CENPP: variants seen among roughly 807,000 people sequenced by gnomAD.
The protein encoded by CENPP is centromere protein P.
A neutral mutation model predicts 35.6 loss-of-function variants in CENPP; 24 were observed. The observed-to-expected ratio is 0.67, with a 90% CI of 0.49 to 0.95. The LOEUF (loss-of-function observed/expected upper bound fraction) is 0.95. Ranked by LOEUF, CENPP falls within the 40% of genes least tolerant of loss-of-function variation. The probability of loss-of-function intolerance (pLI) is 0.00; values close to 1 mark genes in which losing one functional copy is unlikely to be tolerated. For synonymous variants in CENPP, 120 were observed against 125.5 expected, an observed-to-expected ratio of 0.96 and a Z score of 0.29; for missense variants, 332 against 345.3, an observed-to-expected ratio of 0.96 and a Z score of 0.31.
At chr9:92,396,322 A>C (rs1842887942) in intron 5 of CENPP, among the ~76,000 whole-genome samples, 1 of 151,920 alleles carries the variant, frequency 6.6e-6, no homozygotes, top group Non-Finnish European at 1.5e-5. Flanking sequence ...ATGTTGTTAG[A>C]CTATTCTAGG....
At chr9:92,512,014 G>C in intron 5 of CENPP, 1 of 1,605,996 alleles carries the variant, frequency 6.2e-7, no homozygotes, top group Non-Finnish European at 8.5e-7. Context: ...TATTTACCTT[G>C]AATGCTTTTG....
At chr9:92,486,421 G>A (rs1406725747) in intron 5 of CENPP, among the ~76,000 whole-genome samples, 3 of 152,172 alleles carry the variant, frequency 2.0e-5, no homozygotes, top group East Asian at 1.9e-4. Flanking sequence ...ATTGTTTGGA[G>A]CATATAGTAT....
In CENPP at chr9:92,375,952, A is replaced by C. The variant is rs77958019; in HGVS notation, c.468-3811A>C. Among the ~76,000 whole-genome samples the C allele has an allele frequency of 4.9e-3, 736 of 151,250 alleles. 5 individuals are homozygous for C. The highest frequency in any genetic ancestry group is 0.016 in the African/African-American group (641 of 41,164). On this transcript the variant is annotated intron_variant, in intron 4 of 7. Coordinates refer to ENST00000375587, the MANE Select transcript of CENPP (RefSeq NM_001012267.3). Reference sequence around the variant, plus strand: ...TTAAATACTGTACATTTTGAATATTATGATGGGCAAAAAGGAAAAAAATAA... The same window carrying C: ...TTAAATACTGTACATTTTGAATATTCTGATGGGCAAAAAGGAAAAAAATAA...
intron 5 of CENPP, chr9:92,514,863 ATCCTCC>A (rs752071573): frequency 6.2e-7 from 1 of 1,608,214 alleles, no homozygotes; most frequent in Non-Finnish European, 8.5e-7. Context: ...CCTCCTCCTC[ATCCTCC>A]TCCTCCTCCC....
intron 5 of CENPP, among the ~76,000 whole-genome samples, chr9:92,528,404 A>G (rs1848545098): frequency 6.6e-6 from 1 of 152,226 alleles, no homozygotes; most frequent in African/African-American, 2.4e-5. Flanking sequence ...CCTAGGGCAG[A>G]GTACAGAGAG....
chr9:92,459,223 C>T (rs1330665202), intron 5 of CENPP, among the ~76,000 whole-genome samples: 4 of 152,180 alleles, frequency 2.6e-5, no homozygotes, highest in African/African-American at 4.8e-5. Flanking sequence ...ACACTGAAAG[C>T]GAAAATACCA....
intron 5 of CENPP, among the ~76,000 whole-genome samples, chr9:92,448,823 A>G (rs943431436): frequency 1.3e-5 from 2 of 152,182 alleles, no homozygotes; most frequent in Non-Finnish European, 1.5e-5. Flanking sequence ...CACCCAGTTC[A>G]TGGCCTTCCA....
intron 4 of CENPP, among the ~76,000 whole-genome samples, chr9:92,367,055 C>T (rs893140091): frequency 6.6e-6 from 1 of 152,188 alleles, no homozygotes; most frequent in Non-Finnish European, 1.5e-5. Flanking sequence ...AGCACACATT[C>T]ATAACAGAAC....
intron 5 of CENPP, among the ~76,000 whole-genome samples, chr9:92,571,743 G>A (rs1044190358): frequency 6.6e-6 from 1 of 152,116 alleles, no homozygotes; most frequent in African/African-American, 2.4e-5. Context: ...CTAAGGGCTT[G>A]CTCTATGAAT....
chr9:92,338,088 G>T (rs1280859494), intron 3 of CENPP, among the ~76,000 whole-genome samples: 1 of 152,180 alleles, frequency 6.6e-6, no homozygotes, highest in Non-Finnish European at 1.5e-5. Flanking sequence ...AAGGCAGGAG[G>T]ATTGCTTGAG....
intron 5 of CENPP, among the ~76,000 whole-genome samples, chr9:92,428,996 A>G (rs1407217633): frequency 6.6e-6 from 1 of 151,998 alleles, no homozygotes; most frequent in Non-Finnish European, 1.5e-5. Flanking sequence ...GCTAACTCTT[A>G]TCTTTAAGAC....
rs541146767 is a variant in CENPP at position 92,569,705 on chromosome 9, T to C, written c.565-41609T>C. Among the ~76,000 whole-genome samples the C allele has an allele frequency of 3.0e-4, 45 of 152,332 alleles. 2 individuals are homozygous for C. The South Asian group carries it at 8.7e-3, about 29-fold the overall frequency. On this transcript the variant is annotated intron_variant, in intron 5 of 7. Coordinates refer to ENST00000375587, the MANE Select transcript of CENPP (RefSeq NM_001012267.3). ...ATCTTCATGGTATTGATTCTTCCTA[T>C]CCATGAGCATGGAATGTTCTTCCAT...
intron 5 of CENPP, among the ~76,000 whole-genome samples, chr9:92,559,126 G>C (rs868190162): frequency 6.6e-6 from 1 of 152,180 alleles, no homozygotes; most frequent in African/African-American, 2.4e-5. Context: ...CCCTCCCCCA[G>C]TTCTGGCCAG....
chr9:92,350,818 G>C (rs1014979434), intron 4 of CENPP, among the ~76,000 whole-genome samples: 4 of 152,048 alleles, frequency 2.6e-5, no homozygotes, highest in African/African-American at 7.2e-5. Context: ...TATGTTCTTT[G>C]TTTTCAGTGA....
intron 5 of CENPP, among the ~76,000 whole-genome samples, chr9:92,507,238 A>G (rs1040249921): frequency 6.6e-6 from 1 of 152,240 alleles, no homozygotes; most frequent in Non-Finnish European, 1.5e-5. Flanking sequence ...CAGGCCAGCC[A>G]GTAAATTGGG....
intron 5 of CENPP, among the ~76,000 whole-genome samples, chr9:92,583,657 G>A (rs906021878): frequency 6.6e-6 from 1 of 151,728 alleles, no homozygotes; most frequent in Admixed American, 6.6e-5. Context: ...TTGGAGGGTA[G>A]ATTAAAACCA....
chr9:92,613,011 C>T lies in CENPP; in HGVS notation c.737-8C>T. ...AGTTTCTTACCCGGTTTAATGTTTT[C>T]TTTATAGCCCTGGAGCTGGACAAGA... On this transcript the variant is annotated splice_polypyrimidine_tract_variant and splice_region_variant and intron_variant, in intron 7 of 7. Transcript: ENST00000375587. 1 of 1,613,932 alleles carries T rather than the reference C, an allele frequency of 6.2e-7. No homozygotes were observed. Among genetic ancestry groups the T allele is most frequent in the South Asian group, 1.1e-5 (1 of 91,054 alleles).
chr9:92,517,505 TATTTA>T, intron 5 of CENPP: 1 of 777,870 alleles, frequency 1.3e-6, no homozygotes, highest in Non-Finnish European at 2.0e-6. Context: ...CACAGTCTAT[TATTTA>T]TATCCCCTAC....
At chr9:92,394,693 C>A (rs996620373) in intron 5 of CENPP, among the ~76,000 whole-genome samples, 1 of 150,294 alleles carries the variant, frequency 6.7e-6, no homozygotes, top group African/African-American at 2.5e-5. Flanking sequence ...CAGTCTCCGC[C>A]TCCCGGGTTC....
Sources: allele counts gnomAD v4.1 joint callset (sites outside exome capture counted in the v4.1 genomes callset), GRCh38; gene constraint gnomAD v4.1.1; transcripts MANE v1.5; gene names NCBI Gene and HGNC (gene_info 2026-07-23, HGNC 2026-07-21).